Variants in PID1 observed in about 807,000 individuals in gnomAD.
The protein encoded by PID1 is PTB-containing, cubilin and LRP1-interacting protein.
Under a neutral mutation model 19.1 loss-of-function variants are expected in PID1, and 10 were observed. The ratio of observed to expected loss-of-function variants is 0.52; its 90% CI spans 0.32 to 0.89. The LOEUF (loss-of-function observed/expected upper bound fraction) is 0.89. Ranked by LOEUF, PID1 falls within the 40% of genes least tolerant of loss-of-function variation. The probability of loss-of-function intolerance (pLI) is 0.03; values close to 1 mark genes in which losing one functional copy is unlikely to be tolerated. For missense variants in PID1, 248 were observed against 285.3 expected, an observed-to-expected ratio of 0.87 and a Z score of 0.94; for synonymous variants, 130 against 116.0, an observed-to-expected ratio of 1.12 and a Z score of -0.78.
chr2:229,181,050 TTGTCTC>T (rs1690933992), intron 1 of PID1, among the ~76,000 whole-genome samples: 1 of 152,200 alleles, frequency 6.6e-6, no homozygotes, highest in Non-Finnish European at 1.5e-5. Flanking sequence ...TCTCTACACT[TTGTCTC>T]TGTGTCTCTT....
chr2:229,236,837 G>A (rs1689704717), intron 1 of PID1, among the ~76,000 whole-genome samples: 1 of 151,988 alleles, frequency 6.6e-6, no homozygotes, highest in Non-Finnish European at 1.5e-5. Context: ...TTCCAAACCA[G>A]CACAATACCT....
At chr2:229,258,610 G>C (rs902460657) in intron 1 of PID1, among the ~76,000 whole-genome samples, 1 of 152,096 alleles carries the variant, frequency 6.6e-6, no homozygotes, top group Non-Finnish European at 1.5e-5. Flanking sequence ...AATTTGATTT[G>C]TTTTCAATGT....
chr2:229,270,932 A>G, intron 1 of PID1, 82 bp downstream of exon 1: 7 of 1,315,714 alleles, frequency 5.3e-6, no homozygotes, highest in Non-Finnish European at 7.3e-6. Flanking sequence ...AATCCCCTAA[A>G]GTAGGCAGAA....
At chr2:229,116,842 G>C (rs1188607364) in intron 2 of PID1, among the ~76,000 whole-genome samples, 1 of 152,000 alleles carries the variant, frequency 6.6e-6, no homozygotes, top group Non-Finnish European at 1.5e-5. Context: ...TTCCACCCCA[G>C]TTGCTTTTTT....
Position 229,210,695 on chromosome 2 carries a change from A to T in PID1, c.31-54731T>A, listed in dbSNP as rs1356784781. On this transcript the variant is annotated intron_variant, in intron 1 of 2. Transcript: ENST00000392055. ...GCAGATATTTTATTGAGAACATAGG[A>T]AAATGAGTGAATGTGATGTGCCAAT... 2.0e-5 allele frequency among the ~76,000 whole-genome samples: 3 copies of T among 152,118 alleles called. No homozygotes were observed. The East Asian group carries it at 5.8e-4, about 29-fold the overall frequency.
chr2:229,069,141 T>TGTGTGTG (rs1553559147), intron 2 of PID1, among the ~76,000 whole-genome samples: 1 of 128,712 alleles, frequency 7.8e-6, no homozygotes, highest in Non-Finnish European at 1.7e-5. Flanking sequence ...CGAGAAGGGT[T>TGTGTGTG]TTTGTGTGTG....
At chr2:229,258,275 A>T (rs964931865) in intron 1 of PID1, among the ~76,000 whole-genome samples, 4 of 152,240 alleles carry the variant, frequency 2.6e-5, no homozygotes, top group African/African-American at 9.6e-5. Flanking sequence ...TTTGGTCTGG[A>T]TTTGTTCTCT....
intron 1 of PID1, among the ~76,000 whole-genome samples, chr2:229,250,369 AG>A (rs2106283263): frequency 6.6e-6 from 1 of 152,356 alleles, no homozygotes; most frequent in African/African-American, 2.4e-5. Context: ...TTTTATTTAA[AG>A]ATGGGCTAGA....
chr2:229,147,419 A>G lies in PID1; in HGVS notation c.177+8399T>C, dbSNP rs1303804445. On this transcript the variant is annotated intron_variant, in intron 2 of 2. Transcript: ENST00000392055. ...AATAAGCAAAAAAGTAGGAAAATCAAAAGTGTATCCCTAGTTTTATTATCC... is the reference window on the plus strand; with the variant it reads ...AATAAGCAAAAAAGTAGGAAAATCAGAAGTGTATCCCTAGTTTTATTATCC... 3.9e-5 allele frequency among the ~76,000 whole-genome samples: 6 copies of G among 152,256 alleles called. No homozygotes were observed. In the East Asian group the frequency reaches 7.7e-4, roughly 20 times the overall value.
At chr2:229,250,141 A>G (rs1690112450) in intron 1 of PID1, among the ~76,000 whole-genome samples, 1 of 152,244 alleles carries the variant, frequency 6.6e-6, no homozygotes, top group South Asian at 2.1e-4. Context: ...CTCACATCCA[A>G]TGTGAAAAAG....
Position 229,139,053 on chromosome 2 carries a change from GAAAGAGAA to G in PID1, c.177+16757_177+16764del, listed in dbSNP as rs200540921. On this transcript the variant is annotated intron_variant, in intron 2 of 2. Transcript: ENST00000392055. ...AAAGAAAGAAAGAGAAAGAAAGAAAGAAAGAGAAAGAAAGAAAGAAAGAAAGAAAGAAA... is the reference window on the plus strand; with the variant it reads ...AAAGAAAGAAAGAGAAAGAAAGAAAGAGAAAGAAAGAAAGAAAGAAAGAAA... 4.7e-3 allele frequency among the ~76,000 whole-genome samples: 276 copies of G among 59,292 alleles called. 8 individuals are homozygous for G. Among genetic ancestry groups the G allele is most frequent in the Non-Finnish European group, 7.1e-3 (193 of 27,190 alleles). 38.9% of individuals were successfully genotyped at this position (59,292 alleles called of 152,430 possible). A position where few individuals can be genotyped will look rare whatever the true frequency, so the allele number is the denominator to read the frequency against.
rs375285375 is a variant in PID1, at chr2:229,149,874, G to A, written c.177+5944C>T. ...CAAAGGAACAAGCGCTGCCGGATAG[G>A]CTGCAGAATCAAGACATGGACACCT... On this transcript the variant is annotated intron_variant, in intron 2 of 2. Transcript: ENST00000392055. Among the ~76,000 whole-genome samples the A allele has an allele frequency of 7.2e-5, 11 of 152,240 alleles. No individual in the cohort carries two copies. The East Asian group carries it at 1.9e-3, about 27-fold the overall frequency.
At chr2:229,055,395 A>T (rs1440786647) in intron 2 of PID1, among the ~76,000 whole-genome samples, 1 of 152,192 alleles carries the variant, frequency 6.6e-6, no homozygotes. Context: ...GCATGTTTAA[A>T]AGGCTTTTCC....
chr2:229,087,078 A>C (rs1048898300), intron 2 of PID1, among the ~76,000 whole-genome samples: 1 of 152,186 alleles, frequency 6.6e-6, no homozygotes, highest in Non-Finnish European at 1.5e-5. Flanking sequence ...AAGGATTCAA[A>C]GTCTGAGGCA....
At chr2:229,052,433 G>C (rs1694014487) in intron 2 of PID1, among the ~76,000 whole-genome samples, 1 of 152,058 alleles carries the variant, frequency 6.6e-6, no homozygotes, top group Non-Finnish European at 1.5e-5. Flanking sequence ...AAGGTGTTTA[G>C]CAATAAAATT....
intron 1 of PID1, among the ~76,000 whole-genome samples, chr2:229,237,121 T>C (rs1045443520): frequency 1.3e-5 from 2 of 152,012 alleles, no homozygotes; most frequent in East Asian, 3.9e-4. Context: ...AACTACATGA[T>C]AGATCATGAG....
intron 2 of PID1, among the ~76,000 whole-genome samples, chr2:229,026,648 T>A (rs956522336): frequency 6.6e-6 from 1 of 152,250 alleles, no homozygotes; most frequent in African/African-American, 2.4e-5. Flanking sequence ...CTTGAAATTA[T>A]GGCCTAAAGC....
In PID1 at chr2:229,176,942, C is replaced by T. The variant is rs370258933; in HGVS notation, c.31-20978G>A. Reference sequence around the variant, plus strand: ...CTATTTCCACATGCTGATAGACATACCCAAGACTGGGCAATTTACAGAAGA... The same window carrying T: ...CTATTTCCACATGCTGATAGACATATCCAAGACTGGGCAATTTACAGAAGA... On this transcript the variant is annotated intron_variant, in intron 1 of 2. Transcript: ENST00000392055. 1.2e-4 allele frequency among the ~76,000 whole-genome samples: 19 copies of T among 152,256 alleles called. No homozygotes were observed. The East Asian group carries it at 2.3e-3, about 19-fold the overall frequency.
At position 229,262,939 on chromosome 2, in the gene PID1, A is replaced by G. The variant is rs540806674; in HGVS notation, c.30+8075T>C. The G allele has an allele frequency of 4.0e-5, 57 of 1,416,758 alleles. No individual in the cohort carries two copies. In the East Asian group the frequency reaches 5.1e-4, roughly 13 times the overall value. The allele number at this position is 1,416,758 out of a possible 1,614,324, so 87.8% of individuals were successfully genotyped here. On this transcript the variant is annotated intron_variant, in intron 1 of 2. Transcript: ENST00000392055. ...TGGCTCTAGGGTTCACCCTAATTCA[A>G]TATGACCTCATCTTAACTTGCTTAC...
Sources: allele counts gnomAD v4.1 joint callset (sites outside exome capture counted in the v4.1 genomes callset), GRCh38; gene constraint gnomAD v4.1.1; transcripts MANE v1.5; gene names NCBI Gene and HGNC (gene_info 2026-07-23, HGNC 2026-07-21).